EFNA5: variants seen among roughly 807,000 people sequenced by gnomAD.
EFNA5 encodes ephrin-A5.
Under a neutral mutation model 22.9 loss-of-function variants are expected in EFNA5, and 5 were observed. The ratio of observed to expected loss-of-function variants is 0.22; its 90% CI spans 0.11 to 0.46. The LOEUF (loss-of-function observed/expected upper bound fraction) is 0.46, where lower values mean the gene tolerates loss of function less well. Among genes scored for constraint, EFNA5 ranks in the 20% least tolerant of loss-of-function variants. The probability of loss-of-function intolerance (pLI) is 0.99; values close to 1 mark genes in which losing one functional copy is unlikely to be tolerated. For missense variants in EFNA5, 237 were observed against 293.3 expected (o/e 0.81, Z 1.40); for synonymous variants, 113 against 112.2 (o/e 1.01, Z -0.04).
chr5:107,566,093 T>G (rs574295229), intron 1 of EFNA5, among the ~76,000 whole-genome samples: 4 of 152,158 alleles, frequency 2.6e-5, no homozygotes, highest in Non-Finnish European at 5.9e-5. Flanking sequence ...AGAAGATCAT[T>G]TAAAAAAGAA....
chr5:107,626,178 GGTT>G lies in EFNA5; in HGVS notation c.125+44308_125+44310del, dbSNP rs201637920. On this transcript the variant is annotated intron_variant, in intron 1 of 4. Coordinates refer to ENST00000333274, the MANE Select transcript of EFNA5 (RefSeq NM_001962.3). The stretch of plus-strand genomic sequence containing the variant: ...TTAAAATGTGGTGCTGTGTACAAAT[GGTT>G]GTTAATAACTTTAGTAAATGCAGAA... 4.7e-3 allele frequency among the ~76,000 whole-genome samples: 722 copies of G among 152,236 alleles called. 10 individuals carry two copies. The highest frequency in any genetic ancestry group is 0.017 in the African/African-American group (689 of 41,532).
chr5:107,444,006 G>T (rs1356251251), intron 1 of EFNA5, among the ~76,000 whole-genome samples: 2 of 152,178 alleles, frequency 1.3e-5, no homozygotes, highest in Non-Finnish European at 2.9e-5. Flanking sequence ...TTCTTCTAGA[G>T]ATCTTTGGTG....
chr5:107,525,878 CAA>C (rs547984353), intron 1 of EFNA5, among the ~76,000 whole-genome samples: 5 of 152,236 alleles, frequency 3.3e-5, no homozygotes, highest in African/African-American at 1.2e-4. Context: ...CCATTTCGGT[CAA>C]GTGTCAATTT....
intron 1 of EFNA5, among the ~76,000 whole-genome samples, chr5:107,488,097 C>T (rs2112409691): frequency 6.6e-6 from 1 of 152,274 alleles, no homozygotes; most frequent in South Asian, 2.1e-4. Flanking sequence ...ATTTAAAACA[C>T]AAATGTTGAG....
intron 1 of EFNA5, among the ~76,000 whole-genome samples, chr5:107,494,664 T>G (rs1746924057): frequency 6.6e-6 from 1 of 152,122 alleles, no homozygotes; most frequent in Admixed American, 6.5e-5. Flanking sequence ...GGCTCCTGAG[T>G]CTGGTGGGGA....
intron 1 of EFNA5, among the ~76,000 whole-genome samples, chr5:107,561,854 T>A (rs1748552337): frequency 6.6e-6 from 1 of 152,242 alleles, no homozygotes; most frequent in Non-Finnish European, 1.5e-5. Context: ...CTGACTTTTT[T>A]TTAATGTATT....
intron 1 of EFNA5, among the ~76,000 whole-genome samples, chr5:107,521,734 T>C (rs945192929): frequency 5.3e-5 from 8 of 152,106 alleles, no homozygotes; most frequent in African/African-American, 1.9e-4. Context: ...ATATTCAAAG[T>C]ATAGTTTTGA....
At chr5:107,588,994 G>C (rs1297599285) in intron 1 of EFNA5, among the ~76,000 whole-genome samples, 1 of 152,172 alleles carries the variant, frequency 6.6e-6, no homozygotes, top group Non-Finnish European at 1.5e-5. Flanking sequence ...TCTAAAAAAA[G>C]GTTTCCAACA....
chr5:107,494,863 GGGTGCTAGACAAATCAA>G, intron 1 of EFNA5, among the ~76,000 whole-genome samples: 1 of 151,226 alleles, frequency 6.6e-6, no homozygotes, highest in East Asian at 1.9e-4. Context: ...GTCTAGCTCA[GGGTGCTAGACAAATCAA>G]CACTCTGTAT....
At chr5:107,441,749 A>G (rs1205122325) in intron 1 of EFNA5, among the ~76,000 whole-genome samples, 2 of 152,192 alleles carry the variant, frequency 1.3e-5, no homozygotes, top group African/African-American at 4.8e-5. Context: ...AATATAACTA[A>G]TATCTCTAAA....
chr5:107,382,007 C>T (rs1018631292), intron 4 of EFNA5, among the ~76,000 whole-genome samples: 1 of 152,210 alleles, frequency 6.6e-6, no homozygotes, highest in African/African-American at 2.4e-5. Context: ...GGTGCTATTT[C>T]TATTACAAAC....
At chr5:107,593,205 T>C (rs1580548918) in intron 1 of EFNA5, among the ~76,000 whole-genome samples, 1 of 152,256 alleles carries the variant, frequency 6.6e-6, no homozygotes, top group South Asian at 2.1e-4. Flanking sequence ...ATACAGAGAC[T>C]CGACCCTTAT....
intron 1 of EFNA5, among the ~76,000 whole-genome samples, chr5:107,579,675 G>C (rs1749002086): frequency 6.6e-6 from 1 of 151,832 alleles, no homozygotes; most frequent in African/African-American, 2.4e-5. Context: ...AACATGACTT[G>C]ATAATTTCAG....
chr5:107,492,289 T>A (rs1746827626), intron 1 of EFNA5, among the ~76,000 whole-genome samples: 1 of 152,194 alleles, frequency 6.6e-6, no homozygotes, highest in Non-Finnish European at 1.5e-5. Flanking sequence ...TTGGAAAAAA[T>A]GCTTCAAAGA....
intron 1 of EFNA5, among the ~76,000 whole-genome samples, chr5:107,532,285 T>C (rs990506868): frequency 2.0e-5 from 3 of 152,178 alleles, no homozygotes; most frequent in South Asian, 4.1e-4. Flanking sequence ...TGCTGGGAGA[T>C]GGGAGACATC....
At position 107,392,273 on chromosome 5, in the gene EFNA5, GAGT is replaced by G. The variant is rs142067172; in HGVS notation, c.419-4505_419-4503del. ...CTGAACCTATTAACTTGCTTCTAAA[GAGT>G]AGAACATGGCAAAAGTGATGGGATG... is the stretch of plus-strand genomic sequence containing the variant. On this transcript the variant is annotated intron_variant, in intron 2 of 4. Transcript: ENST00000333274. 3.7e-3 allele frequency among the ~76,000 whole-genome samples: 558 copies of G among 152,228 alleles called. 2 individuals are homozygous for G. Among genetic ancestry groups the G allele is most frequent in the Non-Finnish European group, 5.6e-3 (378 of 68,010 alleles).
At chr5:107,616,789 G>A (rs1749925494) in intron 1 of EFNA5, among the ~76,000 whole-genome samples, 1 of 152,136 alleles carries the variant, frequency 6.6e-6, no homozygotes, top group South Asian at 2.1e-4. Context: ...CACACTGTGA[G>A]AACTTTTAGG....
At chr5:107,481,879 A>C (rs1024995385) in intron 1 of EFNA5, among the ~76,000 whole-genome samples, 7 of 151,952 alleles carry the variant, frequency 4.6e-5, no homozygotes, top group Non-Finnish European at 1.0e-4. Context: ...GAAATGGAAA[A>C]GGGATGATAG....
intron 1 of EFNA5, among the ~76,000 whole-genome samples, chr5:107,493,979 AC>A (rs1300325702): frequency 2.0e-5 from 3 of 151,780 alleles, no homozygotes; most frequent in East Asian, 3.8e-4. Flanking sequence ...TGCATCCTAA[AC>A]CCTATTTTGC....
Sources: gnomAD v4.1 joint callset for allele counts (sites outside exome capture counted in the v4.1 genomes callset) on GRCh38, gnomAD v4.1.1 for gene constraint, MANE v1.5 for transcripts, NCBI Gene and HGNC (gene_info 2026-07-23, HGNC 2026-07-21) for gene names.